The following OSBPL10 variants were observed in gnomAD, a reference collection of about 807,000 sequenced individuals.
OSBPL10 encodes oxysterol binding protein like 10.
Under a neutral mutation model 81.7 loss-of-function variants are expected in OSBPL10, and 49 were observed. The observed-to-expected ratio is 0.60, with a 90% CI of 0.48 to 0.76. The LOEUF is 0.76. Ranked by LOEUF, OSBPL10 falls within the 30% of genes least tolerant of loss-of-function variation. The pLI is 0.00. For missense variants in OSBPL10, 923 were observed against 987.8 expected (o/e 0.93, Z 0.88); for synonymous variants, 419 against 383.6 (o/e 1.09, Z -1.08).
intron 4 of OSBPL10, among the ~76,000 whole-genome samples, chr3:31,789,873 T>C (rs1291875700): frequency 1.3e-5 from 2 of 152,184 alleles, no homozygotes; most frequent in African/African-American, 2.4e-5. Context: ...TTGTATGGTG[T>C]ATACATTTGC....
At chr3:31,817,001 C>T (rs1364727275) in intron 4 of OSBPL10, among the ~76,000 whole-genome samples, 1 of 152,204 alleles carries the variant, frequency 6.6e-6, no homozygotes, top group Non-Finnish European at 1.5e-5. Context: ...CCTCTTCGTC[C>T]CCTGGCCATC....
At chr3:31,732,823 C>A (rs772428983) in intron 6 of OSBPL10, 1 of 215,464 alleles carries the variant, frequency 4.6e-6, no homozygotes, top group Non-Finnish European at 9.1e-6. Flanking sequence ...CCCCACAGAT[C>A]CCGGCCTGGC....
chr3:32,011,556 A>G (rs1335018143), intron 2 of OSBPL10, among the ~76,000 whole-genome samples: 1 of 152,264 alleles, frequency 6.6e-6, no homozygotes, highest in Non-Finnish European at 1.5e-5. Context: ...AAAGGAATGC[A>G]GCTCCTCACC....
rs1699755794 is a variant in OSBPL10, at chr3:32,062,024, A to G, written n.185+15372T>C. ...ATATGCAGATGCAGTATCAACGGAC[A>G]TGGAGACCCAACTACAGGTCCTTTT... On this transcript the variant is annotated intron_variant and non_coding_transcript_variant, in intron 1 of 3. Coordinates refer to the OSBPL10 transcript ENST00000479173. Among the ~76,000 whole-genome samples the G allele has an allele frequency of 2.1e-5, 2 of 93,756 alleles. 1 individual carries two copies. The highest frequency in any genetic ancestry group is 5.7e-5 in the Non-Finnish European group (2 of 34,936). 61.5% of individuals were successfully genotyped at this position (93,756 alleles called of 152,430 possible). A position where few individuals can be genotyped will look rare whatever the true frequency, so the allele number is the denominator to read the frequency against.
At chr3:31,679,846 G>C in intron 8 of OSBPL10, among the ~76,000 whole-genome samples, 1 of 152,120 alleles carries the variant, frequency 6.6e-6, no homozygotes, top group East Asian at 1.9e-4. Flanking sequence ...GATTAATGTT[G>C]CTCCCATTTC....
intron 9 of OSBPL10, among the ~76,000 whole-genome samples, chr3:31,669,611 TA>T (rs888171930): frequency 5.9e-5 from 9 of 152,216 alleles, no homozygotes; most frequent in African/African-American, 2.2e-4. Flanking sequence ...ACCTCTCATT[TA>T]AAGGGCCTTT....
chr3:32,072,977 C>A (rs549937083), intron 1 of OSBPL10, among the ~76,000 whole-genome samples: 68 of 152,216 alleles, frequency 4.5e-4, no homozygotes, highest in African/African-American at 1.4e-3. Flanking sequence ...TTCAGTGGAA[C>A]CTTCATACCC....
chr3:31,996,925 C>T (rs1319767521), intron 2 of OSBPL10, among the ~76,000 whole-genome samples: 1 of 152,078 alleles, frequency 6.6e-6, no homozygotes, highest in South Asian at 2.1e-4. Context: ...AAGCTTCTAC[C>T]CTTCTTCCCA....
intron 1 of OSBPL10, among the ~76,000 whole-genome samples, chr3:31,943,511 C>T (rs570116509): frequency 6.6e-6 from 1 of 152,142 alleles, no homozygotes; most frequent in South Asian, 2.1e-4. Flanking sequence ...AAAATAATTA[C>T]ACCACCCAGA....
intron 7 of OSBPL10, among the ~76,000 whole-genome samples, chr3:31,687,014 G>A (rs574538704): frequency 6.6e-6 from 1 of 152,110 alleles, no homozygotes; most frequent in Non-Finnish European, 1.5e-5. Flanking sequence ...TGGGGAGTGT[G>A]AATTTAAGCA....
intron 1 of OSBPL10, among the ~76,000 whole-genome samples, chr3:31,963,051 T>G (rs149498872): frequency 2.0e-5 from 3 of 152,346 alleles, no homozygotes; most frequent in Non-Finnish European, 4.4e-5. Flanking sequence ...TTTTTAAATG[T>G]GTACTTTGAA....
rs192096658 is a variant in OSBPL10, at chr3:31,844,554, A to C, written c.538-14323T>G. Among the ~76,000 whole-genome samples the C allele has an allele frequency of 3.9e-5, 6 of 152,378 alleles. No homozygotes were observed. The East Asian group carries it at 5.8e-4, about 15-fold the overall frequency. On this transcript the variant is annotated intron_variant, in intron 3 of 11. Coordinates refer to ENST00000396556, the MANE Select transcript of OSBPL10 (RefSeq NM_017784.5). ...AAAGAATAAGATGTCAGACACAAAA[A>C]GTCACATATGATTTCATTCATAGGA...
chr3:31,831,532 C>T (rs982295520), intron 3 of OSBPL10, among the ~76,000 whole-genome samples: 1 of 151,974 alleles, frequency 6.6e-6, no homozygotes, highest in African/African-American at 2.4e-5. Context: ...CAAAGCCCAA[C>T]TATAAACTAG....
At chr3:31,820,833 A>C (rs1472092543) in intron 4 of OSBPL10, among the ~76,000 whole-genome samples, 2 of 152,118 alleles carry the variant, frequency 1.3e-5, no homozygotes, top group African/African-American at 2.4e-5. Flanking sequence ...TTTTAAACCT[A>C]ATCTATAGAG....
chr3:31,683,702 A>G lies in OSBPL10; in HGVS notation c.1658T>C (p.Val553Ala), dbSNP rs926921458. 1.2e-6 allele frequency: 2 copies of G among 1,614,044 alleles called. No homozygotes were observed. Among genetic ancestry groups the G allele is most frequent in the East Asian group, 2.2e-5 (1 of 44,886 alleles). ...GCTTTTGGTCCATACATGAGTGTTG[A>G]CGCACAGTCTCTTCTCCTCGCACTC... ...YCECEEKRLC[V>A]NTHVWTKSKF... is the part of the protein sequence containing the mutation. Residue 553 changes from valine to alanine, a missense_variant, in exon 8 of 12, where the codon GTC becomes GCC. Transcript: ENST00000396556.
At chr3:32,025,366 C>T (rs894327218) in intron 2 of OSBPL10, among the ~76,000 whole-genome samples, 1 of 152,092 alleles carries the variant, frequency 6.6e-6, no homozygotes, top group African/African-American at 2.4e-5. Flanking sequence ...TATTATTGGT[C>T]ATGGTATATG....
At chr3:31,667,588 C>T (rs903622029) in intron 10 of OSBPL10, among the ~76,000 whole-genome samples, 3 of 152,194 alleles carry the variant, frequency 2.0e-5, no homozygotes, top group African/African-American at 7.2e-5. Context: ...TTCATTTTAA[C>T]CCTGCATCGT....
intron 1 of OSBPL10, among the ~76,000 whole-genome samples, chr3:31,976,863 G>A (rs945694811): frequency 4.6e-5 from 7 of 152,238 alleles, no homozygotes; most frequent in South Asian, 2.1e-4. Context: ...TTCCACGTTC[G>A]CAGTGTCTTC....
intron 2 of OSBPL10, among the ~76,000 whole-genome samples, chr3:32,043,423 T>C (rs1052885068): frequency 6.6e-6 from 1 of 152,186 alleles, no homozygotes; most frequent in Admixed American, 6.5e-5. Flanking sequence ...TATAATCAAT[T>C]TGTACAGTTA....
Sources: allele counts gnomAD v4.1 joint callset (sites outside exome capture counted in the v4.1 genomes callset), GRCh38; gene constraint gnomAD v4.1.1; transcripts MANE v1.5; gene names NCBI Gene and HGNC (gene_info 2026-07-23, HGNC 2026-07-21).